HHAT: variants seen among roughly 807,000 people sequenced by gnomAD.
HHAT encodes the protein hedgehog acyltransferase.
A neutral mutation model predicts 70.8 loss-of-function variants in HHAT; 47 were observed. That is an observed-to-expected ratio of 0.66 (90% CI 0.53 to 0.85). HHAT has a LOEUF of 0.85. Among genes scored for constraint, HHAT ranks in the 40% least tolerant of loss-of-function variants. The pLI is 0.00. For synonymous variants in HHAT, 228 were observed against 247.6 expected (o/e 0.92, Z 0.74); for missense variants, 609 against 604.8 (o/e 1.01, Z -0.07).
At chr1:210,531,928 G>A (rs2095319146) in intron 9 of HHAT, among the ~76,000 whole-genome samples, 1 of 152,224 alleles carries the variant, frequency 6.6e-6, no homozygotes, top group Admixed American at 6.5e-5. Flanking sequence ...TACACCAACA[G>A]GTGATGATTC....
At chr1:210,611,236 G>C (rs762438406) in intron 10 of HHAT, among the ~76,000 whole-genome samples, 1 of 152,086 alleles carries the variant, frequency 6.6e-6, no homozygotes, top group Non-Finnish European at 1.5e-5. Flanking sequence ...TCCCTTGTTA[G>C]CTGTATTCCT....
rs570929134 is a variant in HHAT, at chr1:210,503,871, A to G, written c.1008-9282A>G. Among the ~76,000 whole-genome samples, 11 of 152,344 alleles carry G rather than the reference A, an allele frequency of 7.2e-5. 1 individual carries two copies. The highest frequency in any genetic ancestry group is 2.6e-4 in the African/African-American group (11 of 41,584). ...ACCCTTATACACACCCCACGCAAAAAAATTAACTCAAAGTAGATCATGAAC... is the reference window on the plus strand; with the variant it reads ...ACCCTTATACACACCCCACGCAAAAGAATTAACTCAAAGTAGATCATGAAC... On this transcript the variant is annotated intron_variant, in intron 8 of 11. Transcript: ENST00000261458.
At position 210,337,479 on chromosome 1, in the gene HHAT, A is replaced by G. The variant is rs2085606802; in HGVS notation, c.-44+8375A>G. On this transcript the variant is annotated intron_variant, in intron 1 of 11. Transcript: ENST00000261458. ...TGTCAGAAGTCCAAAATGGGTCAGC[A>G]GGGTTCATTTGTTCTGAAGGTTCTA... Among the ~76,000 whole-genome samples, 2 of 152,164 alleles carry G rather than the reference A, an allele frequency of 1.3e-5. 1 individual carries two copies. The highest frequency in any genetic ancestry group is 1.3e-4 in the Admixed American group (2 of 15,262).
At chr1:210,604,906 A>G (rs2148827280) in intron 10 of HHAT, among the ~76,000 whole-genome samples, 1 of 152,236 alleles carries the variant, frequency 6.6e-6, no homozygotes, top group Middle Eastern at 3.4e-3. Flanking sequence ...AGTCCCAGCT[A>G]CTCAGGAGAC....
intron 9 of HHAT, among the ~76,000 whole-genome samples, chr1:210,568,267 A>G (rs1016735431): frequency 2.0e-5 from 3 of 152,224 alleles, no homozygotes; most frequent in Admixed American, 1.3e-4. Flanking sequence ...AGGGCATGTA[A>G]GTTCTGAGCT....
chr1:210,466,391 G>A (rs1023765021), intron 8 of HHAT, among the ~76,000 whole-genome samples: 3 of 152,210 alleles, frequency 2.0e-5, no homozygotes, highest in Admixed American at 6.5e-5. Flanking sequence ...AGAAGGCCAG[G>A]GAGTGGTTTT....
chr1:210,406,092 G>A (rs1312372293), intron 6 of HHAT, among the ~76,000 whole-genome samples: 1 of 152,106 alleles, frequency 6.6e-6, no homozygotes, highest in African/African-American at 2.4e-5. Flanking sequence ...CCTCCAGGAG[G>A]AGGGTGGGAG....
At chr1:210,614,406 A>AT (rs1258779420) in intron 10 of HHAT, among the ~76,000 whole-genome samples, 1 of 151,978 alleles carries the variant, frequency 6.6e-6, no homozygotes, top group African/African-American at 2.4e-5. Flanking sequence ...CCTTTAAAAA[A>AT]TTTTTTAAAT....
intron 1 of HHAT, among the ~76,000 whole-genome samples, chr1:210,343,194 C>G (rs575272960): frequency 6.6e-6 from 1 of 152,154 alleles, no homozygotes; most frequent in South Asian, 2.1e-4. Flanking sequence ...TAACGTGAAC[C>G]TGTGATCAAT....
chr1:210,640,321 T>G (rs2148910358), intron 11 of HHAT, among the ~76,000 whole-genome samples: 1 of 152,298 alleles, frequency 6.6e-6, no homozygotes, highest in Non-Finnish European at 1.5e-5. Flanking sequence ...TTTTTGCCCT[T>G]CTTCATTTTT....
chr1:210,673,920 G>A (rs1313569789), intron 11 of HHAT, among the ~76,000 whole-genome samples: 1 of 149,838 alleles, frequency 6.7e-6, no homozygotes, highest in Non-Finnish European at 1.5e-5. Context: ...CAGGTGCCTG[G>A]CTCTAAACAT....
chr1:210,334,792 A>T (rs2085332790), intron 1 of HHAT, among the ~76,000 whole-genome samples: 1 of 152,042 alleles, frequency 6.6e-6, no homozygotes, highest in Admixed American at 6.6e-5. Context: ...CCACAGACAG[A>T]AGCTCTTAAG....
chr1:210,357,427 T>C (rs2087758450), intron 2 of HHAT, among the ~76,000 whole-genome samples: 1 of 152,174 alleles, frequency 6.6e-6, no homozygotes. Flanking sequence ...AAGAAATAGG[T>C]CTTGCTAAGT....
intron 2 of HHAT, among the ~76,000 whole-genome samples, chr1:210,362,268 G>T: frequency 6.8e-6 from 1 of 147,218 alleles, no homozygotes; most frequent in Non-Finnish European, 1.5e-5. Flanking sequence ...TTTTTGAGAT[G>T]GAGTCTTGCT....
chr1:210,375,812 C>T (rs1304429776), intron 3 of HHAT, among the ~76,000 whole-genome samples: 1 of 150,836 alleles, frequency 6.6e-6, no homozygotes, highest in East Asian at 1.9e-4. Flanking sequence ...AGTTTTCTCT[C>T]TCTTGTTCAG....
intron 1 of HHAT, among the ~76,000 whole-genome samples, chr1:210,332,340 A>G (rs781313277): frequency 6.6e-6 from 1 of 152,256 alleles, no homozygotes; most frequent in Admixed American, 6.5e-5. Context: ...ATCCTCGTGC[A>G]CCTAACATCT....
At chr1:210,575,262 G>T (rs1035373529) in intron 9 of HHAT, among the ~76,000 whole-genome samples, 3 of 151,728 alleles carry the variant, frequency 2.0e-5, no homozygotes, top group Non-Finnish European at 2.9e-5. Context: ...CTTTTCCTTT[G>T]GCCTAGGGAA....
chr1:210,372,442 T>C (rs776058306), intron 3 of HHAT, among the ~76,000 whole-genome samples: 2 of 152,252 alleles, frequency 1.3e-5, no homozygotes, highest in Non-Finnish European at 2.9e-5. Flanking sequence ...AGGAGTTAAA[T>C]GTCTTCTCTC....
chr1:210,613,997 A>G (rs1667127402), intron 10 of HHAT, among the ~76,000 whole-genome samples: 1 of 138,820 alleles, frequency 7.2e-6, no homozygotes, highest in Non-Finnish European at 1.5e-5. Context: ...TCCAGCCTGG[A>G]GACAGAGTGA....
Sources: gnomAD v4.1 joint callset for allele counts (sites outside exome capture counted in the v4.1 genomes callset) on GRCh38, gnomAD v4.1.1 for gene constraint, MANE v1.5 for transcripts, NCBI Gene and HGNC (gene_info 2026-07-23, HGNC 2026-07-21) for gene names.